The following ADCYAP1 variants were observed in gnomAD, a reference collection of about 807,000 sequenced individuals.
ADCYAP1 encodes adenylate cyclase activating polypeptide 1.
A neutral mutation model predicts 18.5 loss-of-function variants in ADCYAP1; 6 were observed. The observed-to-expected ratio is 0.32, with a 90% CI of 0.18 to 0.64. The LOEUF (loss-of-function observed/expected upper bound fraction) is 0.64, where lower values mean the gene tolerates loss of function less well. Ranked by LOEUF, ADCYAP1 falls within the 30% of genes least tolerant of loss-of-function variation. The probability of loss-of-function intolerance (pLI) is 0.77; values close to 1 mark genes in which losing one functional copy is unlikely to be tolerated. For missense variants in ADCYAP1, 314 were observed against 253.6 expected, an observed-to-expected ratio of 1.24 and a Z score of -1.62; for synonymous variants, 136 against 113.9, an observed-to-expected ratio of 1.19 and a Z score of -1.24.
Position 904,997 on chromosome 18 carries a change from T to C in ADCYAP1, c.-65T>C. On this transcript the variant is annotated 5_prime_UTR_variant, in exon 1 of 5. Coordinates refer to ENST00000450565, the MANE Select transcript of ADCYAP1 (RefSeq NM_001099733.2). ...CGGGTGGTGACTCCAGCGCAGGAAC[T>C]TGAAGAAGCGCTTTGCCCGCCGTCC... 7.7e-7 allele frequency: 1 copy of C among 1,291,290 alleles called. No homozygotes were observed. The highest frequency in any genetic ancestry group is 1.0e-6 in the Non-Finnish European group (1 of 989,950). 80.0% of individuals were successfully genotyped at this position (1,291,290 alleles called of 1,614,324 possible).
At chr18:905,302 C>T (rs1909120047) in intron 1 of ADCYAP1, 84 bp from the exon 2 acceptor site, 29 of 1,549,216 alleles carry the variant, frequency 1.9e-5, no homozygotes, top group East Asian at 2.3e-5. Flanking sequence ...GTCCCTCCCC[C>T]GGCTTCCAGA....
At chr18:904,848 T>C (rs752463695), upstream of ADCYAP1, 75 of 1,286,864 alleles carry the variant, frequency 5.8e-5, no homozygotes, top group Non-Finnish European at 7.0e-5. Flanking sequence ...CTCCTGGTTC[T>C]GCGCGTCTAC....
At chr18:905,329 G>C in intron 1 of ADCYAP1, 57 bp from the exon 2 acceptor site, 1 of 1,587,852 alleles carries the variant, frequency 6.3e-7, no homozygotes, top group South Asian at 1.1e-5. Flanking sequence ...TGGGGTTGGA[G>C]GGTGGGAGGC....
chr18:907,547 C>A, intron 2 of ADCYAP1, 112 bp from the exon 3 acceptor site: 1 of 1,139,508 alleles, frequency 8.8e-7, no homozygotes, highest in Non-Finnish European at 1.2e-6. Context: ...CAATTCTCAG[C>A]GGAGGACTTT....
chr18:907,457 C>A, intron 2 of ADCYAP1: 1 of 509,234 alleles, frequency 2.0e-6, no homozygotes, highest in Non-Finnish European at 3.3e-6. Flanking sequence ...GGTGGGCGGG[C>A]CGCCCGGCGG....
chr18:906,284 A>C (rs1453251709), intron 2 of ADCYAP1: 1 of 152,334 alleles, frequency 6.6e-6, no homozygotes, highest in Non-Finnish European at 1.5e-5. Context: ...GGCGCGGCCC[A>C]GGTTCCCGGA....
chr18:908,375 T>C lies in ADCYAP1; in HGVS notation c.341+12T>C. On this transcript the variant is annotated intron_variant, in intron 4 of 4. Coordinates refer to ENST00000450565, the MANE Select transcript of ADCYAP1 (RefSeq NM_001099733.2). ...GCCCGGGGCGTGGGGTAAGAGTTTGTGGAAGGATTAACCTGCGCGCGCCGG... is the reference window on the plus strand; with the variant it reads ...GCCCGGGGCGTGGGGTAAGAGTTTGCGGAAGGATTAACCTGCGCGCGCCGG... 1.9e-6 allele frequency: 3 copies of C among 1,608,814 alleles called. No homozygotes were observed. The highest frequency in any genetic ancestry group is 2.5e-6 in the Non-Finnish European group (3 of 1,177,204).
In ADCYAP1 at chr18:911,032, T is replaced by C. The variant is rs894040605; in HGVS notation, c.*1397T>C. The C allele has an allele frequency of 2.0e-5, 3 of 152,222 alleles. No individual in the cohort carries two copies. The highest frequency in any genetic ancestry group is 4.1e-4 in the South Asian group (2 of 4,834). 9.4% of individuals were successfully genotyped at this position (152,222 alleles called of 1,614,324 possible). On this transcript the variant is annotated 3_prime_UTR_variant, in exon 5 of 5. Coordinates refer to ENST00000450565, the MANE Select transcript of ADCYAP1 (RefSeq NM_001099733.2). The stretch of plus-strand genomic sequence containing the variant: ...TTTTTCTACATTATTGCTTATTGCT[T>C]AGTAAAATTTATTTCATAAAACCAA...
chr18:910,332 A>G lies in ADCYAP1; in HGVS notation c.*697A>G, dbSNP rs1190337980. 1 of 152,192 alleles carries G rather than the reference A, an allele frequency of 6.6e-6. No individual in the cohort carries two copies. The highest frequency in any genetic ancestry group is 1.5e-5 in the Non-Finnish European group (1 of 68,060). The allele number at this position is 152,192 out of a possible 1,614,324, so 9.4% of individuals were successfully genotyped here. On this transcript the variant is annotated 3_prime_UTR_variant, in exon 5 of 5. Coordinates refer to ENST00000450565, the MANE Select transcript of ADCYAP1 (RefSeq NM_001099733.2). ...CTTCAGACTCTCAGCCCAGAAGAAA[A>G]TTCTCCTGATAAAACAACAGCTCGA...
intron 3 of ADCYAP1, chr18:908,003 G>C (rs1909243448): frequency 3.1e-6 from 3 of 952,392 alleles, no homozygotes; most frequent in Non-Finnish European, 4.5e-6. Context: ...GACCGAGGGG[G>C]GCTGTGGCCC....
Position 911,170 on chromosome 18 carries a change from G to C in ADCYAP1, c.*1535G>C, listed in dbSNP as rs1186515753. ...AGTACTATCTTATATCTGTGGTCAAGAGTGAGGTAAGCAAGCTCCAACAGA... is the reference window on the plus strand; with the variant it reads ...AGTACTATCTTATATCTGTGGTCAACAGTGAGGTAAGCAAGCTCCAACAGA... On this transcript the variant is annotated 3_prime_UTR_variant, in exon 5 of 5. Transcript: ENST00000450565. The C allele has an allele frequency of 6.6e-6, 1 of 152,260 alleles. No homozygotes were observed. Among genetic ancestry groups the C allele is most frequent in the South Asian group, 2.1e-4 (1 of 4,820 alleles). 9.4% of individuals were successfully genotyped at this position (152,260 alleles called of 1,614,324 possible). A position where few individuals can be genotyped will look rare whatever the true frequency, so the allele number is the denominator to read the frequency against.
In ADCYAP1 at chr18:909,510, A is replaced by G. The variant is rs1909306415; in HGVS notation, c.406A>G (p.Ile136Val). ...GCTCTCCAAGCGCCACTCGGACGGG[A>G]TCTTCACGGACAGCTACAGCCGCTA... ...EPLSKRHSDG[I>V]FTDSYSRYRK... Residue 136 changes from isoleucine (I) to valine (V), a missense_variant, in exon 5 of 5, where the codon ATC becomes GTC. Transcript: ENST00000450565. 5 of 1,613,960 alleles carry G rather than the reference A, an allele frequency of 3.1e-6. No individual in the cohort carries two copies. Among genetic ancestry groups the G allele is most frequent in the Non-Finnish European group, 4.2e-6 (5 of 1,180,000 alleles).
chr18:906,056 G>C (rs183965600), intron 2 of ADCYAP1: 8 of 153,556 alleles, frequency 5.2e-5, no homozygotes, highest in African/African-American at 1.7e-4. Context: ...GGCTGTCTTG[G>C]GGGGCGTGCG....
In ADCYAP1 at chr18:910,412, G is replaced by A. The variant is rs1170215872; in HGVS notation, c.*777G>A. 1.3e-5 allele frequency: 2 copies of A among 152,232 alleles called. No individual in the cohort carries two copies. The highest frequency in any genetic ancestry group is 4.8e-5 in the African/African-American group (2 of 41,456). 9.4% of individuals were successfully genotyped at this position (152,232 alleles called of 1,614,324 possible). The stretch of plus-strand genomic sequence containing the variant: ...GCCTCTCCCTAGGAGAAGAGTTGAG[G>A]AACTGTACAGAAAAGGGCGGCTTCG... On this transcript the variant is annotated 3_prime_UTR_variant, in exon 5 of 5. Transcript: ENST00000450565.
chr18:905,087 C>T (rs1283720199), intron 1 of ADCYAP1, 27 bp downstream of exon 1: 1 of 1,310,596 alleles, frequency 7.6e-7, no homozygotes, highest in African/African-American at 1.5e-5. Flanking sequence ...CTTACCAAAG[C>T]GACCGGCTCA....
At chr18:906,878 TG>T (rs1194743227) in intron 2 of ADCYAP1, among the ~76,000 whole-genome samples, 1 of 152,222 alleles carries the variant, frequency 6.6e-6, no homozygotes, top group African/African-American at 2.4e-5. Context: ...GGGGTTGAGA[TG>T]GGGCACCGCC....
At chr18:908,613 A>G (rs1156662798) in intron 4 of ADCYAP1, among the ~76,000 whole-genome samples, 1 of 152,218 alleles carries the variant, frequency 6.6e-6, no homozygotes, top group Non-Finnish European at 1.5e-5. Flanking sequence ...GAAAAGAAAG[A>G]GAAACCAAAC....
At position 907,684 on chromosome 18, in the gene ADCYAP1, G is replaced by C. The variant is rs182986053; in HGVS notation, c.136G>C (p.Asp46His). ...GCCAGAGGAAGAGGCGTACGGCGAG[G>C]ACGGAAACCCGCTGCCAGACTTCGA... is the stretch of plus-strand genomic sequence containing the variant. ...IRPEEEAYGE[D>H]GNPLPDFDGS... is the part of the protein sequence containing the mutation. The change falls in exon 3 of 5, where the codon GAC becomes CAC. Residue 46 changes from aspartate to histidine, a missense_variant. By Grantham distance (81) the Asp-to-His change is moderately conservative. Transcript: ENST00000450565. 9.5e-6 allele frequency: 15 copies of C among 1,574,362 alleles called. No individual in the cohort carries two copies. In the East Asian group the frequency reaches 3.5e-4, roughly 37 times the overall value.
chr18:905,036 T>G lies in ADCYAP1; in HGVS notation c.-26T>G. ...TGCCCGCCGTCCTACCTGGCAGCTCTCCTGGCAGCGGGAGGAGTTGAAGGG... is the reference window on the plus strand; with the variant it reads ...TGCCCGCCGTCCTACCTGGCAGCTCGCCTGGCAGCGGGAGGAGTTGAAGGG... On this transcript the variant is annotated 5_prime_UTR_variant, in exon 1 of 5. Transcript: ENST00000450565. The G allele has an allele frequency of 7.7e-7, 1 of 1,295,026 alleles. No individual in the cohort carries two copies. Among genetic ancestry groups the G allele is most frequent in the Non-Finnish European group, 1.0e-6 (1 of 993,238 alleles). 80.2% of individuals were successfully genotyped at this position (1,295,026 alleles called of 1,614,324 possible).
Sources: allele counts gnomAD v4.1 joint callset (sites outside exome capture counted in the v4.1 genomes callset), GRCh38; gene constraint gnomAD v4.1.1; transcripts MANE v1.5; gene names NCBI Gene and HGNC (gene_info 2026-07-23, HGNC 2026-07-21).